The following LILRB2 variants were observed in gnomAD, a reference collection of about 807,000 sequenced individuals.
LILRB2 encodes the protein leukocyte immunoglobulin like receptor B2.
A neutral mutation model predicts 72.7 loss-of-function variants in LILRB2; 47 were observed. The ratio of observed to expected loss-of-function variants is 0.65; its 90% CI spans 0.51 to 0.82. LILRB2 has a LOEUF of 0.82. Among genes scored for constraint, LILRB2 ranks in the 40% least tolerant of loss-of-function variants. The pLI, the probability that LILRB2 is intolerant of heterozygous loss-of-function variation, is 0.00. For synonymous variants in LILRB2, 279 were observed against 313.7 expected, an observed-to-expected ratio of 0.89 and a Z score of 1.17; for missense variants, 767 against 764.8, an observed-to-expected ratio of 1.00 and a Z score of -0.03.
At chr19:54,276,699 G>A (rs2080244798) in intron 10 of LILRB2, 108 bp downstream of exon 10, 2 of 1,519,934 alleles carry the variant, frequency 1.3e-6, no homozygotes, top group Admixed American at 4.2e-5. Flanking sequence ...GGTGAGAAAT[G>A]CTGGAACAGT....
At chr19:54,278,115 G>T in intron 7 of LILRB2, 145 bp downstream of exon 7, 1 of 1,247,678 alleles carries the variant, frequency 8.0e-7, no homozygotes, top group Non-Finnish European at 1.1e-6. Flanking sequence ...AGGGCCTGTT[G>T]TCCTCCTTCC....
At chr19:54,275,352 A>C (rs1181649459) in intron 13 of LILRB2, 1 of 534,130 alleles carries the variant, frequency 1.9e-6, no homozygotes, top group African/African-American at 1.9e-5. Flanking sequence ...GGGCTCGTCC[A>C]TTAGAGGATC....
At chr19:54,280,681 C>T in intron 1 of LILRB2, 137 bp from the exon 2 acceptor site, 2 of 1,237,344 alleles carry the variant, frequency 1.6e-6, no homozygotes, top group Non-Finnish European at 2.3e-6. Context: ...TCCCAGGAGC[C>T]TGACTCTCAT....
chr19:54,275,184 C>T (rs1273609389), intron 13 of LILRB2: 54 of 1,386,856 alleles, frequency 3.9e-5, no homozygotes, highest in Non-Finnish European at 4.7e-5. Flanking sequence ...ATCTCAGGGA[C>T]GCCCTAAGGC....
chr19:54,276,988 T>C lies in LILRB2; in HGVS notation c.1358-59A>G, dbSNP rs1435051487. 9 of 1,557,222 alleles carry C rather than the reference T, an allele frequency of 5.8e-6. No homozygotes were observed. The East Asian group carries it at 1.9e-4, about 33-fold the overall frequency. ...GTCATTGAAATGAGCGCCTACTGTG[T>C]GCAGGTGACTGCTGGACCTTCTGTT... is the stretch of plus-strand genomic sequence containing the variant. On this transcript the variant is annotated intron_variant, in intron 9 of 13. Coordinates refer to ENST00000314446, the MANE Select transcript of LILRB2 (RefSeq NM_001080978.4).
In LILRB2 at chr19:54,279,432, T is replaced by A. The variant is rs760693268; in HGVS notation, c.571A>T (p.Arg191Trp). ...TAACCATAGCACCTGTGCGACCACC[T>A]GCGATTCGGGCTCACGGGGCCCACG... is the stretch of plus-strand genomic sequence containing the variant. ...FSVGPVSPNR[R>W]WSHRCYGYDL... Residue 191 changes from arginine to tryptophan, a missense_variant, in exon 5 of 14, where the codon AGG (arginine) becomes TGG (tryptophan). Arg to Trp is a moderately radical substitution (Grantham distance 101, BLOSUM62 -3). Around this residue, in one of 3 missense-constraint regions of LILRB2, gnomAD observed 599 missense variants for 568.2 expected, o/e 1.05. Coordinates refer to ENST00000314446, the MANE Select transcript of LILRB2 (RefSeq NM_001080978.4). 6.2e-7 allele frequency: 1 copy of A among 1,613,970 alleles called. No homozygotes were observed. Among genetic ancestry groups the A allele is most frequent in the Non-Finnish European group, 8.5e-7 (1 of 1,179,972 alleles).
At chr19:54,274,936 G>A (rs559060336) in intron 13 of LILRB2, 107 bp from the exon 14 acceptor site, 134 of 1,610,630 alleles carry the variant, frequency 8.3e-5, no homozygotes, top group East Asian at 1.3e-4. Context: ...GTCCTCTTCT[G>A]CCTGTCTGTC....
In LILRB2 at chr19:54,276,415, C is replaced by A; in HGVS notation, c.1522G>T (p.Gly508Trp). ...AGGCCTCTGTCTGTGGGCTCTGGCC[C>A]CACAGCCCCTGCAGGATGTTGGAAA... Reference protein sequence around the residue: ...ADFQHPAGAVGPEPTDRGLQW... With the variant: ...ADFQHPAGAVWPEPTDRGLQW... Residue 508 changes from glycine (G) to tryptophan (W), a missense_variant, in exon 11 of 14, where the codon GGG becomes TGG. By Grantham distance (184) the Gly-to-Trp change is radical. This residue lies in a region of LILRB2 where 162 missense variants were observed against 176.7 expected (regional missense o/e 0.92). Coordinates refer to ENST00000314446, the MANE Select transcript of LILRB2 (RefSeq NM_001080978.4). 6.2e-7 allele frequency: 1 copy of A among 1,601,080 alleles called. No individual in the cohort carries two copies. The highest frequency in any genetic ancestry group is 8.5e-7 in the Non-Finnish European group (1 of 1,169,850).
In LILRB2 at chr19:54,278,335, T is replaced by G. The variant is rs1345585808; in HGVS notation, c.1183A>C (p.Arg395=). 4 of 1,614,208 alleles carry G rather than the reference T, an allele frequency of 2.5e-6. No homozygotes were observed. The highest frequency in any genetic ancestry group is 3.4e-6 in the Non-Finnish European group (4 of 1,180,022). ...PVTSAHAGTY[R]CYGSLNSDPY... is the part of the protein sequence containing the mutation. ...TCGGAGTTGAGTGAGCCGTAGCACC[T>G]GTAGGTCCCCGCGTGGGCTGAGGTC... The change falls in exon 7 of 14, where the codon AGG becomes CGG. Residue 395 remains arginine (R), a synonymous_variant. Coordinates refer to ENST00000314446, the MANE Select transcript of LILRB2 (RefSeq NM_001080978.4).
intron 1 of LILRB2, 69 bp from the exon 2 acceptor site, chr19:54,280,613 G>A: frequency 1.3e-6 from 2 of 1,529,388 alleles, no homozygotes; most frequent in East Asian, 2.3e-5. Context: ...ACACTCAGAG[G>A]CTGGGTCCTT....
In LILRB2 at chr19:54,280,555, A is replaced by G. The variant is rs565757291; in HGVS notation, c.-48-11T>C. ...GATGAGCCCTCGGTGCTGGCGGGAC[A>G]GAGACACACAGAGAGAAATAGCCTC... On this transcript the variant is annotated splice_polypyrimidine_tract_variant and intron_variant, in intron 1 of 13. Transcript: ENST00000314446. 8 of 1,613,472 alleles carry G rather than the reference A, an allele frequency of 5.0e-6. No homozygotes were observed. Among genetic ancestry groups the G allele is most frequent in the African/African-American group, 2.7e-5 (2 of 74,942 alleles).
chr19:54,274,761 C>G lies in LILRB2; in HGVS notation c.1716G>C (p.Lys572Asn). The G allele has an allele frequency of 6.2e-7, 1 of 1,613,348 alleles. No homozygotes were observed. Among genetic ancestry groups the G allele is most frequent in the Non-Finnish European group, 8.5e-7 (1 of 1,179,972 alleles). Residue 572 changes from lysine (K) to asparagine (N), a missense_variant, in exon 14 of 14, where the codon AAG becomes AAC. Physicochemically the swap from Lys to Asn is moderately conservative, Grantham distance 94 (BLOSUM62 0). Around this residue, in one of 3 missense-constraint regions of LILRB2, gnomAD observed 162 missense variants for 176.7 expected, o/e 0.92. Coordinates refer to ENST00000314446, the MANE Select transcript of LILRB2 (RefSeq NM_001080978.4). The stretch of plus-strand genomic sequence containing the variant: ...CCTGGGATGGAGGAGGCTCAGTTGC[C>G]TTCCGTCTGAGGGTCAAGCTGTGCA... ...AQLHSLTLRRKATEPPPSQER... is the reference protein window; with the variant it reads ...AQLHSLTLRRNATEPPPSQER...
In LILRB2 at chr19:54,277,882, G is replaced by T. The variant is rs1480427547; in HGVS notation, c.1309+7C>A. The T allele has an allele frequency of 5.2e-6, 8 of 1,547,528 alleles. No individual in the cohort carries two copies. Among genetic ancestry groups the T allele is most frequent in the Non-Finnish European group, 7.0e-6 (8 of 1,143,564 alleles). On this transcript the variant is annotated splice_region_variant and intron_variant, in intron 8 of 13. Transcript: ENST00000314446. ...CTCCCTTCGAGCCAGAGGCCTCAGG[G>T]ACTCACCAGGTGTGGAGATGGGACC...
Position 54,280,276 on chromosome 19 carries a change from G to A in LILRB2, c.58C>T (p.Arg20Cys), listed in dbSNP as rs1361698364. ...CLGLSLGPRT[R>C]VQTGTIPKPT... is the part of the protein sequence containing the mutation. ...GGGACAGACTCACCTGTCTGCACGC[G>A]GGTCCTGGGGCCCAGACTCAGCCCT... The change falls in exon 3 of 14, where the codon CGC becomes TGC. Residue 20 changes from arginine to cysteine, a missense_variant. By Grantham distance (180) the Arg-to-Cys change is radical. Around this residue, in one of 3 missense-constraint regions of LILRB2, gnomAD observed 599 missense variants for 568.2 expected, o/e 1.05. Coordinates refer to ENST00000314446, the MANE Select transcript of LILRB2 (RefSeq NM_001080978.4). The A allele has an allele frequency of 2.5e-6, 4 of 1,613,978 alleles. No individual in the cohort carries two copies. The highest frequency in any genetic ancestry group is 4.5e-5 in the East Asian group (2 of 44,872).
Position 54,281,021 on chromosome 19 carries a change from G to C in LILRB2, c.-109C>G, listed in dbSNP as rs1452759093. 27 of 707,388 alleles carry C rather than the reference G, an allele frequency of 3.8e-5. No homozygotes were observed. Among genetic ancestry groups the C allele is most frequent in the African/African-American group, 8.5e-5 (2 of 23,494 alleles). 43.8% of individuals were successfully genotyped at this position (707,388 alleles called of 1,614,324 possible). ...AGGGAAGACCCAGGTCCATGCTGCA[G>C]GCAGACTCAGATCAGCAGAGAAGCA... On this transcript the variant is annotated 5_prime_UTR_variant, in exon 1 of 14. Coordinates refer to ENST00000314446, the MANE Select transcript of LILRB2 (RefSeq NM_001080978.4).
chr19:54,279,973 T>G lies in LILRB2; in HGVS notation c.173A>C (p.Tyr58Ser). Residue 58 changes from tyrosine to serine, a missense_variant, in exon 4 of 14, where the codon TAC becomes TCC. Transcript: ENST00000314446. The part of the protein sequence containing the change: ...SCQGSLEAQE[Y>S]RLYREKKSAS... Reference sequence around the variant, plus strand: ...TGATTTTTTCTCCCTATATAGACGGTACTCCTGGGCTTCAAGGCTCCCCTG... The same window carrying G: ...TGATTTTTTCTCCCTATATAGACGGGACTCCTGGGCTTCAAGGCTCCCCTG... 6.2e-7 allele frequency: 1 copy of G among 1,614,076 alleles called. No homozygotes were observed. The highest frequency in any genetic ancestry group is 8.5e-7 in the Non-Finnish European group (1 of 1,179,988).
intron 5 of LILRB2, 60 bp downstream of exon 5, chr19:54,279,285 C>T: frequency 6.4e-7 from 1 of 1,568,520 alleles, no homozygotes; most frequent in Non-Finnish European, 8.7e-7. Context: ...GGCTGCTCCC[C>T]ACCTGCCTGG....
At position 54,280,171 on chromosome 19, in the gene LILRB2, C is replaced by T. The variant is rs1018223331; in HGVS notation, c.70+93G>A. 9.9e-6 allele frequency: 16 copies of T among 1,611,742 alleles called. No homozygotes were observed. The African/African-American group carries it at 1.9e-4, about 19-fold the overall frequency. Reference sequence around the variant, plus strand: ...CCTCCAGATGCCCCCATCAGTCAGTCCAGAACTTCTAATCCCCATCCCCAG... The same window carrying T: ...CCTCCAGATGCCCCCATCAGTCAGTTCAGAACTTCTAATCCCCATCCCCAG... On this transcript the variant is annotated intron_variant, in intron 3 of 13. Transcript: ENST00000314446.
rs1210863420 is a variant in LILRB2, at chr19:54,280,105, G to A, written c.71-30C>T. On this transcript the variant is annotated intron_variant, in intron 3 of 13. Transcript: ENST00000314446. Reference sequence around the variant, plus strand: ...AAGGAAATCAAAGGTCAGATTCGAAGTCATTTCCCACCCAACAGATCTCAG... The same window carrying A: ...AAGGAAATCAAAGGTCAGATTCGAAATCATTTCCCACCCAACAGATCTCAG... 6 of 1,612,206 alleles carry A rather than the reference G, an allele frequency of 3.7e-6. No individual in the cohort carries two copies. In the African/African-American group the frequency reaches 6.7e-5, roughly 18 times the overall value.
Sources: gnomAD v4.1 joint callset for allele counts on GRCh38, gnomAD v4.1.1 for gene constraint, gnomAD v4.1.1 regional missense constraint, MANE v1.5 for transcripts, NCBI Gene and HGNC (gene_info 2026-07-23, HGNC 2026-07-21) for gene names.